BRF1: variants seen among roughly 807,000 people sequenced by gnomAD.
The protein encoded by BRF1 is transcription factor IIIB 90 kDa subunit.
A neutral mutation model predicts 81.7 loss-of-function variants in BRF1; 59 were observed. That is an observed-to-expected ratio of 0.72 (90% CI 0.59 to 0.90). The LOEUF (loss-of-function observed/expected upper bound fraction) is 0.90. Ranked by LOEUF, BRF1 falls within the 40% of genes least tolerant of loss-of-function variation. The probability of loss-of-function intolerance (pLI) is 0.00; values close to 1 mark genes in which losing one functional copy is unlikely to be tolerated. For missense variants in BRF1, 1,050 were observed against 936.3 expected (o/e 1.12, Z -1.58); for synonymous variants, 491 against 395.6 (o/e 1.24, Z -2.86).
chr14:105,262,133 T>A (rs1345703646), intron 3 of BRF1, among the ~76,000 whole-genome samples: 5 of 152,164 alleles, frequency 3.3e-5, no homozygotes, highest in Admixed American at 2.6e-4. Context: ...AGACTGGGCA[T>A]CCTCAGGCCC....
rs1052780006 is a variant in BRF1 at position 105,284,560 on chromosome 14, C to T, written c.265+1736G>A. On this transcript the variant is annotated intron_variant, in intron 2 of 17. Coordinates refer to ENST00000547530, the MANE Select transcript of BRF1 (RefSeq NM_001519.4). This position sits in a 1 kb window ranked among gnomAD's most constrained non-coding sequence, Gnocchi z 4.0. ...TGTCCCGACCACCTTCCAGCATCCACACTAAGGCTGCAGGACATGGCTGCA... is the reference window on the plus strand; with the variant it reads ...TGTCCCGACCACCTTCCAGCATCCATACTAAGGCTGCAGGACATGGCTGCA... 6.6e-6 allele frequency among the ~76,000 whole-genome samples: 1 copy of T among 152,202 alleles called. No homozygotes were observed. The highest frequency in any genetic ancestry group is 6.5e-5 in the Admixed American group (1 of 15,278).
At position 105,211,303 on chromosome 14, in the gene BRF1, A is replaced by C; in HGVS notation, c.1825-10T>G. On this transcript the variant is annotated splice_polypyrimidine_tract_variant and intron_variant, in intron 16 of 17. Transcript: ENST00000547530. ...AGCTTGGGAGCAAAGCCTGGAACGA[A>C]GTGGGGCTCTGACACACACAGAGCT... is the stretch of plus-strand genomic sequence containing the variant. 3 of 1,583,736 alleles carry C rather than the reference A, an allele frequency of 1.9e-6. No individual in the cohort carries two copies. Among genetic ancestry groups the C allele is most frequent in the Non-Finnish European group, 2.6e-6 (3 of 1,164,550 alleles).
intron 6 of BRF1, among the ~76,000 whole-genome samples, chr14:105,229,391 G>C (rs180873321): frequency 3.3e-5 from 5 of 152,338 alleles, no homozygotes; most frequent in Admixed American, 3.3e-4. Flanking sequence ...TTCTCAGGTG[G>C]ACTGAATCCT....
At chr14:105,241,132 C>G in intron 6 of BRF1, 133 bp downstream of exon 6, 2 of 1,427,680 alleles carry the variant, frequency 1.4e-6, no homozygotes, top group East Asian at 2.3e-5. Flanking sequence ...AGGCCAGAGT[C>G]AGCCCCGGGA....
intron 5 of BRF1, among the ~76,000 whole-genome samples, chr14:105,245,232 G>A (rs2055002314): frequency 2.0e-5 from 3 of 152,108 alleles, no homozygotes; most frequent in Non-Finnish European, 2.9e-5. Flanking sequence ...ATGGTGGCAA[G>A]TGCCTGTAAT....
intron 5 of BRF1, chr14:105,247,258 C>T (rs587618876): frequency 1.9e-5 from 19 of 985,460 alleles, no homozygotes; most frequent in Admixed American, 1.2e-4. Flanking sequence ...GCTTTCCAAA[C>T]GGCTTGGCCG....
At position 105,268,799 on chromosome 14, in the gene BRF1, G is replaced by A. The variant is rs151217176; in HGVS notation, c.439+3922C>T. On this transcript the variant is annotated intron_variant, in intron 3 of 17. Transcript: ENST00000547530. Reference sequence around the variant, plus strand: ...CGGCAGGGTGGAGGTGGGGTGGTGGGTGCTGTTGCGCCCTGGCTAAAGGTG... The same window carrying A: ...CGGCAGGGTGGAGGTGGGGTGGTGGATGCTGTTGCGCCCTGGCTAAAGGTG... 8.1e-3 allele frequency among the ~76,000 whole-genome samples: 1,233 copies of A among 152,326 alleles called. 6 individuals are homozygous for A. The highest frequency in any genetic ancestry group is 0.037 in the Middle Eastern group (11 of 294).
chr14:105,222,959 T>C (rs1595289432), intron 10 of BRF1, among the ~76,000 whole-genome samples: 4 of 152,296 alleles, frequency 2.6e-5, no homozygotes, highest in African/African-American at 9.6e-5. Context: ...AGACAGGCAG[T>C]TCGTGGCCGC....
intron 1 of BRF1, among the ~76,000 whole-genome samples, chr14:105,295,916 T>C (rs1242190601): frequency 2.0e-5 from 3 of 151,342 alleles, no homozygotes; most frequent in Non-Finnish European, 4.4e-5. Context: ...CCATCTCTAC[T>C]ACAAATACAA....
At chr14:105,297,174 A>G (rs1033102327) in intron 1 of BRF1, among the ~76,000 whole-genome samples, 1 of 152,110 alleles carries the variant, frequency 6.6e-6, no homozygotes, top group African/African-American at 2.4e-5. Context: ...AAAGTCCAGA[A>G]GCTGTATGCT....
Position 105,241,352 on chromosome 14 carries a change from C to A in BRF1, c.607G>T (p.Val203Leu). ...AGGAGCCTCAGGGCAGTCATGGACA[C>A]CTCGTGGTTCTTCTCCCCGAATTCC... The part of the protein sequence containing the change: ...LLEFGEKNHE[V>L]SMTALRLLQR... The change falls in exon 6 of 18, where the codon GTG (valine) becomes TTG (leucine). Residue 203 changes from valine to leucine, a missense_variant. Around this residue, in one of 2 missense-constraint regions of BRF1, gnomAD observed 1,043 missense variants for 915.4 expected, o/e 1.14. Coordinates refer to ENST00000547530, the MANE Select transcript of BRF1 (RefSeq NM_001519.4). 1 of 1,612,808 alleles carries A rather than the reference C, an allele frequency of 6.2e-7. No homozygotes were observed. Among genetic ancestry groups the A allele is most frequent in the Non-Finnish European group, 8.5e-7 (1 of 1,179,924 alleles).
At chr14:105,291,009 C>A (rs1423396122) in intron 1 of BRF1, among the ~76,000 whole-genome samples, 1 of 152,136 alleles carries the variant, frequency 6.6e-6, no homozygotes, top group African/African-American at 2.4e-5. Context: ...GCTGAAACTG[C>A]CAGGATGCCC....
intron 5 of BRF1, among the ~76,000 whole-genome samples, chr14:105,242,919 C>T (rs921069710): frequency 2.0e-5 from 3 of 151,874 alleles, no homozygotes; most frequent in Non-Finnish European, 2.9e-5. Flanking sequence ...AGATCGAGAC[C>T]ACCCTGGGCA....
At chr14:105,249,545 G>A in intron 5 of BRF1, 1 of 1,596,464 alleles carries the variant, frequency 6.3e-7, no homozygotes, top group South Asian at 1.1e-5. Context: ...GCTTCTGAAG[G>A]GAAGCACACA....
In BRF1 at chr14:105,252,532, C is replaced by T. The variant is rs146986914; in HGVS notation, c.519G>A (p.Glu173=). 3.1e-6 allele frequency: 5 copies of T among 1,613,756 alleles called. No individual in the cohort carries two copies. The African/African-American group carries it at 6.7e-5, about 22-fold the overall frequency. ...LGKTFLLLAR[E]LCINAPAIDP... Reference sequence around the variant, plus strand: ...CTATGGCCGGCGCATTGATGCAGAGCTCTCTTGCCAAGAGAAGAAACGTCT... The same window carrying T: ...CTATGGCCGGCGCATTGATGCAGAGTTCTCTTGCCAAGAGAAGAAACGTCT... The change falls in exon 5 of 18, where the codon GAG becomes GAA. Residue 173 remains glutamate, a synonymous_variant. Coordinates refer to ENST00000547530, the MANE Select transcript of BRF1 (RefSeq NM_001519.4).
intron 14 of BRF1, among the ~76,000 whole-genome samples, 191 bp downstream of exon 14, chr14:105,218,807 G>A (rs1281263492): frequency 6.6e-6 from 1 of 152,232 alleles, no homozygotes; most frequent in Non-Finnish European, 1.5e-5. Context: ...ACGGCTGGGC[G>A]CCTGTGGCCA....
At chr14:105,292,044 G>A (rs1414108096) in intron 1 of BRF1, among the ~76,000 whole-genome samples, 1 of 152,146 alleles carries the variant, frequency 6.6e-6, no homozygotes, top group Non-Finnish European at 1.5e-5. Context: ...AGGCTAAAGC[G>A]CAGGGGCACC....
intron 5 of BRF1, chr14:105,250,033 G>T (rs1259967646): frequency 1.2e-6 from 2 of 1,612,936 alleles, no homozygotes; most frequent in Middle Eastern, 1.6e-4. Flanking sequence ...GAAACAAGAG[G>T]CATGTTCTGG....
At position 105,211,154 on chromosome 14, in the gene BRF1, C is replaced by T. The variant is rs774478565; in HGVS notation, c.1964G>A (p.Cys655Tyr). The part of the protein sequence containing the change: ...EEPDEEDGEP[C>Y]VSALQMMGSN... ...GCCCATCATCTGCAGGGCACTGACG[C>T]AGGGCTCCCCGTCCTCCTCGTCAGG... Residue 655 changes from cysteine (C) to tyrosine (Y), a missense_variant, in exon 17 of 18, where the codon TGC becomes TAC. By Grantham distance (194) the Cys-to-Tyr change is radical (BLOSUM62 -2). Around this residue, in one of 2 missense-constraint regions of BRF1, gnomAD observed 1,043 missense variants for 915.4 expected, o/e 1.14. Transcript: ENST00000547530. The T allele has an allele frequency of 1.2e-6, 2 of 1,612,672 alleles. No individual in the cohort carries two copies. The highest frequency in any genetic ancestry group is 1.1e-5 in the South Asian group (1 of 91,070).
Sources: gnomAD v4.1 joint callset for allele counts (sites outside exome capture counted in the v4.1 genomes callset) on GRCh38, gnomAD v4.1.1 for gene constraint, gnomAD v4.1.1 regional missense constraint, Gnocchi (gnomAD v3.1) non-coding constraint, MANE v1.5 for transcripts, NCBI Gene and HGNC (gene_info 2026-07-23, HGNC 2026-07-21) for gene names.